The following CASP2 variants were observed in gnomAD, a reference collection of about 807,000 sequenced individuals.
The protein encoded by CASP2 is caspase 2.
CASP2 carries 38 observed loss-of-function variants against 54.4 expected under a neutral mutation model. The observed-to-expected ratio is 0.70, with a 90% CI of 0.54 to 0.92. CASP2 has a LOEUF of 0.92. Among genes scored for constraint, CASP2 ranks in the 40% least tolerant of loss-of-function variants. The pLI, the probability that CASP2 is intolerant of heterozygous loss-of-function variation, is 0.00. For missense variants in CASP2, 512 were observed against 579.6 expected (o/e 0.88, Z 1.20); for synonymous variants, 215 against 216.3 (o/e 0.99, Z 0.05).
rs1023137786 is a variant in CASP2 at position 143,291,763 on chromosome 7, G to A, written c.225+73G>A. On this transcript the variant is annotated intron_variant, in intron 2 of 10. Coordinates refer to ENST00000310447, the MANE Select transcript of CASP2 (RefSeq NM_032982.4). ...TAGAGCATGACAAAATATGGAAAGG[G>A]TGTCGTATCTTTCTTCCTTTTTTTT... 12 of 1,018,764 alleles carry A rather than the reference G, an allele frequency of 1.2e-5. No individual in the cohort carries two copies. In the Admixed American group the frequency reaches 2.4e-4, roughly 20 times the overall value. 63.1% of individuals were successfully genotyped at this position (1,018,764 alleles called of 1,614,324 possible). A position where few individuals can be genotyped will look rare whatever the true frequency, so the allele number is the denominator to read the frequency against.
intron 9 of CASP2, 146 bp downstream of exon 9, chr7:143,304,079 A>G: frequency 1.3e-6 from 1 of 781,544 alleles, no homozygotes; most frequent in Non-Finnish European, 2.1e-6. Context: ...GTTTTTTTGG[A>G]TTTTGGAATA....
intron 8 of CASP2, 37 bp from the exon 9 acceptor site, chr7:143,303,747 G>A: frequency 6.2e-7 from 1 of 1,605,352 alleles, no homozygotes; most frequent in South Asian, 1.1e-5. Context: ...ATAGGAAGAA[G>A]TAACATCATT....
Position 143,292,631 on chromosome 7 carries a change from C to T in CASP2, c.408C>T (p.Tyr136=), listed in dbSNP as rs200175061. The T allele has an allele frequency of 2.1e-5, 34 of 1,613,814 alleles. No individual in the cohort carries two copies. Among genetic ancestry groups the T allele is most frequent in the Middle Eastern group, 1.7e-4 (1 of 5,802 alleles). The change falls in exon 4 of 11, where the codon TAC becomes TAT. Residue 136 remains tyrosine, a synonymous_variant. Transcript: ENST00000310447. ...ATTTCTTACAGTTGAGCTGTGACTA[C>T]GACTTGAGTCTCCCTTTTCCGGTGT... ...QHVLPPLSCD[Y]DLSLPFPVCE...
intron 6 of CASP2, among the ~76,000 whole-genome samples, chr7:143,296,890 G>A (rs4647311): frequency 0.054 from 8,265 of 152,152 alleles, 307 homozygotes; most frequent in Middle Eastern, 0.11. Flanking sequence ...CTGCCCAGAT[G>A]TTTTCACTTT....
chr7:143,304,255 G>C (rs545425790), intron 9 of CASP2, among the ~76,000 whole-genome samples: 1 of 152,308 alleles, frequency 6.6e-6, no homozygotes, highest in Admixed American at 6.5e-5. Flanking sequence ...TTTACAAATT[G>C]AAGGTTTGTG....
Position 143,291,670 on chromosome 7 carries a change from G to T in CASP2, c.205G>T (p.Glu69Ter). 6.2e-7 allele frequency: 1 copy of T among 1,613,896 alleles called. No homozygotes were observed. Among genetic ancestry groups the T allele is most frequent in the Non-Finnish European group, 8.5e-7 (1 of 1,179,916 alleles). ...HLLEKDIITL[E>*]MRELIQAKVG... ...TCTGGAGAAGGACATCATCACCTTGGAAATGAGGGAGCTCATCCAGGTATC... is the reference window on the plus strand; with the variant it reads ...TCTGGAGAAGGACATCATCACCTTGTAAATGAGGGAGCTCATCCAGGTATC... Residue 69 changes from glutamate to a stop codon, truncating the protein, a stop_gained, in exon 2 of 11, where the codon GAA becomes TAA. Transcript: ENST00000310447. LOFTEE classifies it high-confidence loss of function.
chr7:143,298,570 G>A (rs1801824312), intron 6 of CASP2: 3 of 152,208 alleles, frequency 2.0e-5, no homozygotes, highest in Non-Finnish European at 2.9e-5. Context: ...GCTGAGGCAA[G>A]AAGATTCCTT....
At position 143,292,341 on chromosome 7, in the gene CASP2, C is replaced by G; in HGVS notation, c.267C>G (p.Asn89Lys). The G allele has an allele frequency of 6.2e-7, 1 of 1,614,214 alleles. No individual in the cohort carries two copies. Among genetic ancestry groups the G allele is most frequent in the East Asian group, 2.2e-5 (1 of 44,878 alleles). ...TCAGCCAGAATGTGGAACTCCTCAACTTGCTGCCTAAGAGGGGTCCCCAAG... is the reference window on the plus strand; with the variant it reads ...TCAGCCAGAATGTGGAACTCCTCAAGTTGCTGCCTAAGAGGGGTCCCCAAG... The part of the protein sequence containing the change: ...GSFSQNVELL[N>K]LLPKRGPQAF... Residue 89 changes from asparagine to lysine, a missense_variant, in exon 3 of 11, where the codon AAC becomes AAG. Around this residue, in one of 3 missense-constraint regions of CASP2, gnomAD observed 417 missense variants for 495.4 expected, o/e 0.84. Coordinates refer to ENST00000310447, the MANE Select transcript of CASP2 (RefSeq NM_032982.4).
chr7:143,300,365 G>A, intron 8 of CASP2, 71 bp downstream of exon 8: 2 of 1,605,130 alleles, frequency 1.2e-6, no homozygotes, highest in Non-Finnish European at 1.7e-6. Context: ...TCACTTTCCT[G>A]TTTGCTCCTC....
intron 8 of CASP2, chr7:143,303,122 T>A (rs1200805738): frequency 1.3e-5 from 2 of 151,954 alleles, no homozygotes; most frequent in Admixed American, 6.6e-5. Context: ...AAAAAAAGAT[T>A]TAAAAAGTTA....
In CASP2 at chr7:143,292,623, T is replaced by G. The variant is rs1801609638; in HGVS notation, c.400T>G (p.Cys134Gly). ...GAGTTTTGATTTCTTACAGTTGAGCTGTGACTACGACTTGAGTCTCCCTTT... is the reference window on the plus strand; with the variant it reads ...GAGTTTTGATTTCTTACAGTTGAGCGGTGACTACGACTTGAGTCTCCCTTT... ...GLQHVLPPLS[C>G]DYDLSLPFPV... The change falls in exon 4 of 11, where the codon TGT becomes GGT. Residue 134 changes from cysteine to glycine, a missense_variant. Coordinates refer to ENST00000310447, the MANE Select transcript of CASP2 (RefSeq NM_032982.4). 6.2e-7 allele frequency: 1 copy of G among 1,613,776 alleles called. No individual in the cohort carries two copies. The highest frequency in any genetic ancestry group is 1.7e-5 in the Admixed American group (1 of 60,014).
chr7:143,293,262 G>A, intron 4 of CASP2: 1 of 513,502 alleles, frequency 1.9e-6, no homozygotes. Context: ...CAAGTACCTG[G>A]GATTACAGGT....
At chr7:143,292,722 G>A in intron 4 of CASP2, 24 bp downstream of exon 4, 1 of 1,592,936 alleles carries the variant, frequency 6.3e-7, no homozygotes, top group Non-Finnish European at 8.6e-7. Context: ...GACTAAAAGG[G>A]GTCCCAGGCC....
At chr7:143,291,809 G>A in intron 2 of CASP2, 119 bp downstream of exon 2, 1 of 666,046 alleles carries the variant, frequency 1.5e-6, no homozygotes, top group Admixed American at 3.0e-5. Flanking sequence ...TTGAGACAGA[G>A]TCTCTGTCTC....
intron 2 of CASP2, 65 bp downstream of exon 2, chr7:143,291,755 T>C: frequency 8.6e-7 from 1 of 1,166,444 alleles, no homozygotes; most frequent in South Asian, 1.2e-5. Context: ...TGACAAAATA[T>C]GGAAAGGGTG....
intron 8 of CASP2, chr7:143,302,528 C>T (rs1026682144): frequency 4.6e-5 from 7 of 152,150 alleles, no homozygotes; most frequent in East Asian, 1.9e-4. Flanking sequence ...AGCTCCATGA[C>T]GGCAGGAATT....
intron 5 of CASP2, 24 bp from the exon 6 acceptor site, chr7:143,294,573 G>T (rs1250590395): frequency 1.2e-6 from 2 of 1,610,554 alleles, no homozygotes; most frequent in Admixed American, 1.7e-5. Flanking sequence ...GACGCTCATG[G>T]TCTAACTGGC....
Position 143,300,017 on chromosome 7 carries a change from G to A in CASP2, c.842G>A (p.Gly281Asp). The change falls in exon 7 of 11, where the codon GGC (glycine) becomes GAC (aspartate). Residue 281 changes from glycine (G) to aspartate (D), a missense_variant. By Grantham distance (94) the Gly-to-Asp change is moderately conservative. Transcript: ENST00000310447. Reference sequence around the variant, plus strand: ...GCACTCCTCTCGCATGGTGTGGAGGGCGCCATCTATGGTGTGGATGGGAAA... The same window carrying A: ...GCACTCCTCTCGCATGGTGTGGAGGACGCCATCTATGGTGTGGATGGGAAA... ...IVALLSHGVE[G>D]AIYGVDGKLL... 1.2e-6 allele frequency: 2 copies of A among 1,614,126 alleles called. No homozygotes were observed. Among genetic ancestry groups the A allele is most frequent in the East Asian group, 2.2e-5 (1 of 44,868 alleles).
intron 1 of CASP2, chr7:143,291,016 A>T (rs1801540001): frequency 6.4e-6 from 1 of 155,836 alleles, no homozygotes; most frequent in Non-Finnish European, 1.4e-5. Context: ...TAAAAGTTTT[A>T]AAAAACATGT....
Sources: allele counts gnomAD v4.1 joint callset (sites outside exome capture counted in the v4.1 genomes callset), GRCh38; gene constraint gnomAD v4.1.1; regional missense constraint gnomAD v4.1.1; transcripts MANE v1.5; gene names NCBI Gene and HGNC (gene_info 2026-07-23, HGNC 2026-07-21).